The following PRKG1 variants were observed in gnomAD, a reference collection of about 807,000 sequenced individuals.
PRKG1 encodes the protein cGMP-dependent protein kinase 1.
Under a neutral mutation model 88.1 loss-of-function variants are expected in PRKG1, and 35 were observed. The observed-to-expected ratio is 0.40, with a 90% confidence interval of 0.30 to 0.53. PRKG1 has a LOEUF of 0.53. Ranked by LOEUF, PRKG1 falls within the 20% of genes least tolerant of loss-of-function variation. The pLI is 0.59. For synonymous variants in PRKG1, 303 were observed against 292.5 expected, an observed-to-expected ratio of 1.04 and a Z score of -0.37; for missense variants, 540 against 839.8, an observed-to-expected ratio of 0.64 and a Z score of 4.41.
At chr10:51,484,268 G>A (rs1840462536) in intron 3 of PRKG1, among the ~76,000 whole-genome samples, 1 of 152,076 alleles carries the variant, frequency 6.6e-6, no homozygotes, top group African/African-American at 2.4e-5. Context: ...AGCCCTATTA[G>A]CAGTTTCCGC....
intron 1 of PRKG1, among the ~76,000 whole-genome samples, chr10:51,012,964 G>T (rs889635309): frequency 4.6e-5 from 7 of 152,204 alleles, no homozygotes; most frequent in African/African-American, 1.7e-4. Context: ...TGGAAAGGAT[G>T]TGCATGGGCA....
intron 2 of PRKG1, among the ~76,000 whole-genome samples, chr10:51,349,279 A>AGTGACC (rs1389975095): frequency 1.3e-5 from 2 of 152,166 alleles, no homozygotes; most frequent in African/African-American, 4.8e-5. Context: ...ATATATGGCC[A>AGTGACC]GTGACCTATT....
chr10:51,676,144 T>A (rs1482026850), intron 3 of PRKG1, among the ~76,000 whole-genome samples: 2 of 151,986 alleles, frequency 1.3e-5, no homozygotes, highest in African/African-American at 4.8e-5. Context: ...AGACTTGCAT[T>A]GTTCAGTAGA....
chr10:52,079,768 A>G (rs1846722357), intron 7 of PRKG1, among the ~76,000 whole-genome samples: 1 of 152,220 alleles, frequency 6.6e-6, no homozygotes, highest in African/African-American at 2.4e-5. Flanking sequence ...TGCACTTGGA[A>G]TTCTGAAGAA....
chr10:52,197,247 T>C (rs1839530317), intron 9 of PRKG1, among the ~76,000 whole-genome samples: 1 of 152,114 alleles, frequency 6.6e-6, no homozygotes, highest in Admixed American at 6.6e-5. Context: ...TGCAAAAGAA[T>C]TGGATCCCTT....
At chr10:51,171,199 A>G (rs1322789197) in intron 2 of PRKG1, among the ~76,000 whole-genome samples, 1 of 152,176 alleles carries the variant, frequency 6.6e-6, no homozygotes, top group Non-Finnish European at 1.5e-5. Context: ...AGTTGGAGTA[A>G]TGGAGTGGCC....
chr10:51,383,963 G>A (rs61849769), intron 2 of PRKG1, among the ~76,000 whole-genome samples: 14,003 of 152,120 alleles, frequency 0.092, 860 homozygotes, highest in Middle Eastern at 0.15. Flanking sequence ...ATTAAGCAAA[G>A]AGCAGTAAAG....
chr10:51,257,980 G>A (rs1254145636), intron 2 of PRKG1, among the ~76,000 whole-genome samples: 2 of 152,170 alleles, frequency 1.3e-5, no homozygotes, highest in East Asian at 3.9e-4. Context: ...TTAGGAGGAA[G>A]GCTAACGAGC....
At chr10:51,180,787 T>G (rs1200889648) in intron 2 of PRKG1, among the ~76,000 whole-genome samples, 1 of 152,186 alleles carries the variant, frequency 6.6e-6, no homozygotes, top group African/African-American at 2.4e-5. Context: ...TTACTTCTAG[T>G]CTTGCTGCAA....
At chr10:52,029,685 T>A (rs1032193823) in intron 5 of PRKG1, among the ~76,000 whole-genome samples, 1 of 152,144 alleles carries the variant, frequency 6.6e-6, no homozygotes, top group African/African-American at 2.4e-5. Flanking sequence ...CAGCTCTAGG[T>A]TATCTAATTT....
At chr10:52,282,396 GACCATC>G in intron 14 of PRKG1, 80 bp downstream of exon 14, 1 of 1,342,484 alleles carries the variant, frequency 7.4e-7, no homozygotes, top group South Asian at 1.7e-5. Context: ...ACTTGGATTA[GACCATC>G]TTAAAGTACT....
intron 2 of PRKG1, among the ~76,000 whole-genome samples, chr10:51,344,081 G>T (rs1842060719): frequency 6.6e-6 from 1 of 152,162 alleles, no homozygotes; most frequent in African/African-American, 2.4e-5. Context: ...CTGAGACTGG[G>T]TAATTTATAA....
In PRKG1 at chr10:51,467,752, G is replaced by GT; in HGVS notation, c.509dup (p.Lys171GlufsTer38). 1 of 1,612,744 alleles carries GT rather than the reference G, an allele frequency of 6.2e-7. No individual in the cohort carries two copies. The highest frequency in any genetic ancestry group is 8.5e-7 in the Non-Finnish European group (1 of 1,178,928). On this transcript the variant is annotated frameshift_variant, in exon 3 of 18. Transcript: ENST00000373980. LOFTEE classifies it high-confidence loss of function. The stretch of plus-strand genomic sequence containing the variant: ...TAAGGTTGAAGTTACAAAAGAAGGT[G>GT]TGAAGTTGTGTACCATGGGTCCAGG...
chr10:52,171,125 GTTTTTTTTTTTTTTGGTTTTGT>G lies in PRKG1; in HGVS notation c.1076+9173_1076+9194del, dbSNP rs1470768824. Among the ~76,000 whole-genome samples, 110 of 79,916 alleles carry G rather than the reference GTTTTTTTTTTTTTTGGTTTTGT, an allele frequency of 1.4e-3. 1 individual carries two copies. Among genetic ancestry groups the G allele is most frequent in the Admixed American group, 2.9e-3 (18 of 6,202 alleles). The allele number at this position is 79,916 out of a possible 152,430, so 52.4% of individuals were successfully genotyped here. ...AAATTTGGGGCTATCTTATTGGTGT[GTTTTTTTTTTTTTTGGTTTTGT>G]TTTTTTTTTTGCCTGACATTTTCAA... On this transcript the variant is annotated intron_variant, in intron 9 of 17. Coordinates refer to ENST00000373980, the MANE Select transcript of PRKG1 (RefSeq NM_006258.4).
In PRKG1 at chr10:51,629,032, A is replaced by G. The variant is rs185245204; in HGVS notation, c.592+161196A>G. ...GTTATGTTAGTGAGCCACAGAATCA[A>G]TTTAGTGGTTAACAACTAGCACTTT... On this transcript the variant is annotated intron_variant, in intron 3 of 17. Coordinates refer to ENST00000373980, the MANE Select transcript of PRKG1 (RefSeq NM_006258.4). Among the ~76,000 whole-genome samples, 661 of 152,302 alleles carry G rather than the reference A, an allele frequency of 4.3e-3. 1 individual carries two copies. Among genetic ancestry groups the G allele is most frequent in the Middle Eastern group, 0.01 (3 of 294 alleles).
chr10:51,962,787 T>C (rs1287519641), intron 5 of PRKG1, among the ~76,000 whole-genome samples: 1 of 152,238 alleles, frequency 6.6e-6, no homozygotes, highest in Non-Finnish European at 1.5e-5. Context: ...TATTCAGCAC[T>C]AATGTCCCTA....
At chr10:51,143,537 A>G (rs1845872096) in intron 1 of PRKG1, among the ~76,000 whole-genome samples, 1 of 152,026 alleles carries the variant, frequency 6.6e-6, no homozygotes, top group South Asian at 2.1e-4. Context: ...TAATTTTTTG[A>G]GGAATCTTCA....
At chr10:51,274,909 CACA>C (rs1040462940) in intron 2 of PRKG1, among the ~76,000 whole-genome samples, 33 of 152,292 alleles carry the variant, frequency 2.2e-4, no homozygotes, top group African/African-American at 7.5e-4. Flanking sequence ...TTGTCTCTGC[CACA>C]ACAAGCAATG....
In PRKG1 at chr10:51,908,725, C is replaced by CTATCTATCTATCTATATATATA. The variant is rs1299574623; in HGVS notation, c.762+1158_762+1159insCTATCTATCTATATATATATAT. On this transcript the variant is annotated intron_variant, in intron 5 of 17. Coordinates refer to ENST00000373980, the MANE Select transcript of PRKG1 (RefSeq NM_006258.4). ...TCTCTCTCTCTCTCTGTCTATCTAT[C>CTATCTATCTATCTATATATATA]TATATGTAATTTTTTTTTTTTTGAG... is the stretch of plus-strand genomic sequence containing the variant. The CTATCTATCTATCTATATATATA allele has an allele frequency of 5.3e-4, 32 of 60,634 alleles. 1 individual carries two copies. The highest frequency in any genetic ancestry group is 2.1e-3 in the Admixed American group (16 of 7,708). The allele number at this position is 60,634 out of a possible 1,614,324, so 3.8% of individuals were successfully genotyped here.
Sources: gnomAD v4.1 joint callset for allele counts (sites outside exome capture counted in the v4.1 genomes callset) on GRCh38, gnomAD v4.1.1 for gene constraint, MANE v1.5 for transcripts, NCBI Gene and HGNC (gene_info 2026-07-23, HGNC 2026-07-21) for gene names.